Variants in ELFN1 observed in about 807,000 individuals in gnomAD.
ELFN1 encodes extracellular leucine rich repeat and fibronectin type III domain containing 1.
Under a neutral mutation model 7.6 loss-of-function variants are expected in ELFN1, and 6 were observed. That is an observed-to-expected ratio of 0.79 (90% CI 0.43 to 1.56). ELFN1 has a LOEUF of 1.56. Ranked by LOEUF, ELFN1 falls within the 40% of genes most tolerant of loss-of-function variation. The pLI, the probability that ELFN1 is intolerant of heterozygous loss-of-function variation, is 0.01. For synonymous variants in ELFN1, 657 were observed against 588.1 expected (o/e 1.12, Z -1.70); for missense variants, 1,169 against 1,232.2 (o/e 0.95, Z 0.77).
intron 3 of ELFN1, among the ~76,000 whole-genome samples, chr7:1,722,564 C>A (rs967860592): frequency 2.0e-5 from 3 of 152,102 alleles, no homozygotes; most frequent in Admixed American, 1.3e-4. Context: ...AGCCACCGCG[C>A]CTGGGCAGGA....
intron 2 of ELFN1, chr7:1,693,411 T>C (rs1318843180): frequency 4.2e-6 from 2 of 471,100 alleles, no homozygotes; most frequent in Admixed American, 2.3e-5. Flanking sequence ...TGAGTAGGTA[T>C]GTGCACATAT....
chr7:1,712,433 T>C (rs544611649), intron 3 of ELFN1, among the ~76,000 whole-genome samples: 3 of 151,242 alleles, frequency 2.0e-5, no homozygotes, highest in Admixed American at 2.0e-4. Flanking sequence ...TTTCCTTTTT[T>C]TTTTTCTTTT....
chr7:1,689,258 G>A (rs914237596), intron 2 of ELFN1, among the ~76,000 whole-genome samples: 3 of 152,242 alleles, frequency 2.0e-5, no homozygotes, highest in Non-Finnish European at 4.4e-5. Flanking sequence ...GTGTATATAT[G>A]TGTGCATGCT....
chr7:1,747,023 C>A lies in ELFN1; in HGVS notation c.2427C>A (p.Asp809Glu), dbSNP rs758397436. The change falls in exon 4 of 4, where the codon GAC (aspartate) becomes GAA (glutamate). Residue 809 changes from aspartate (D) to glutamate (E), a missense_variant. By Grantham distance (45) the Asp-to-Glu change is conservative. Around this residue, in one of 2 missense-constraint regions of ELFN1, gnomAD observed 914 missense variants for 872.6 expected, o/e 1.05. Transcript: ENST00000424383. ...GCAAGAAGGTTCAGTTCGCCAAAGA[C>A]GAGGATCTGCACGACATCCTGGACT... ...ALRKKVQFAK[D>E]EDLHDILDYW... 2 of 1,559,224 alleles carry A rather than the reference C, an allele frequency of 1.3e-6. No homozygotes were observed. The highest frequency in any genetic ancestry group is 1.9e-5 in the Admixed American group (1 of 52,472).
Position 1,744,831 on chromosome 7 carries a change from T to A in ELFN1, c.235T>A (p.Ser79Thr), listed in dbSNP as rs763479740. Residue 79 changes from serine to threonine, a missense_variant, in exon 4 of 4, where the codon TCG (serine) becomes ACG (threonine). By Grantham distance (58) the Ser-to-Thr change is moderately conservative. This residue lies in a region of ELFN1 where 255 missense variants were observed against 359.6 expected (regional missense o/e 0.71). Transcript: ENST00000424383. The part of the protein sequence containing the change: ...ENRIRSVQYA[S>T]LSRFGNLTYL... ...CCGTATCCGCAGCGTGCAGTACGCC[T>A]CGCTCAGCCGCTTTGGCAACCTCAC... 9 of 1,571,646 alleles carry A rather than the reference T, an allele frequency of 5.7e-6. No homozygotes were observed. The South Asian group carries it at 9.3e-5, about 16-fold the overall frequency.
chr7:1,742,214 C>T (rs1186578957), intron 3 of ELFN1: 1 of 152,278 alleles, frequency 6.6e-6, no homozygotes, highest in Non-Finnish European at 1.5e-5. Flanking sequence ...CTTACCTTGA[C>T]TTTGGGTTAT....
intron 2 of ELFN1, among the ~76,000 whole-genome samples, chr7:1,698,497 A>G (rs1041714843): frequency 6.6e-5 from 10 of 152,104 alleles, no homozygotes; most frequent in East Asian, 3.9e-4. Flanking sequence ...TACAACATAT[A>G]AAACATTGTG....
At chr7:1,742,967 G>A (rs1175102490) in intron 3 of ELFN1, among the ~76,000 whole-genome samples, 1 of 152,316 alleles carries the variant, frequency 6.6e-6, no homozygotes, top group African/African-American at 2.4e-5. Context: ...GGTGACAGAG[G>A]CCGACTGTAA....
Position 1,746,186 on chromosome 7 carries a change from C to T in ELFN1, c.1590C>T (p.Thr530=), listed in dbSNP as rs766395615. The change falls in exon 4 of 4, where the codon ACC becomes ACT. Residue 530 remains threonine (T), a synonymous_variant. Coordinates refer to ENST00000424383, the MANE Select transcript of ELFN1 (RefSeq NM_001128636.4). ...ASKGSYMEVR[T]GDPPERRDCE... ...AGGGCAGCTACATGGAGGTTCGAACCGGGGACCCTCCGGAACGCAGGGACT... is the reference window on the plus strand; with the variant it reads ...AGGGCAGCTACATGGAGGTTCGAACTGGGGACCCTCCGGAACGCAGGGACT... The T allele has an allele frequency of 1.4e-4, 214 of 1,550,514 alleles. 3 individuals carry two copies. In the South Asian group the frequency reaches 2.0e-3, roughly 14 times the overall value.
At chr7:1,690,901 C>T (rs978094317) in intron 2 of ELFN1, among the ~76,000 whole-genome samples, 4 of 151,804 alleles carry the variant, frequency 2.6e-5, no homozygotes, top group Non-Finnish European at 5.9e-5. Context: ...TGAATGGATG[C>T]CTGAATGAGG....
At chr7:1,703,410 A>G (rs1225298112) in intron 2 of ELFN1, among the ~76,000 whole-genome samples, 2 of 151,936 alleles carry the variant, frequency 1.3e-5, no homozygotes, top group African/African-American at 4.8e-5. Context: ...TTTTTCTTTT[A>G]AAATTTATTC....
chr7:1,699,010 G>A (rs1011795553), intron 2 of ELFN1, among the ~76,000 whole-genome samples: 4 of 152,162 alleles, frequency 2.6e-5, no homozygotes, highest in Non-Finnish European at 5.9e-5. Flanking sequence ...TTTTGCCTGT[G>A]TTTTCATGTT....
intron 3 of ELFN1, among the ~76,000 whole-genome samples, chr7:1,743,670 G>T (rs575864178): frequency 6.6e-6 from 1 of 152,294 alleles, no homozygotes; most frequent in South Asian, 2.1e-4. Flanking sequence ...CCCTCCCAGA[G>T]GGCTGGAGAG....
Position 1,744,984 on chromosome 7 carries a change from G to A in ELFN1, c.388G>A (p.Gly130Ser), listed in dbSNP as rs1201617876. ...LRNLTEGMLRGLGKLEYLYLQ... is the reference protein window; with the variant it reads ...LRNLTEGMLRSLGKLEYLYLQ... ...CAACCTCACGGAGGGCATGCTGCGCGGCCTGGGCAAGCTGGAGTACCTGTA... is the reference window on the plus strand; with the variant it reads ...CAACCTCACGGAGGGCATGCTGCGCAGCCTGGGCAAGCTGGAGTACCTGTA... Residue 130 changes from glycine to serine, a missense_variant, in exon 4 of 4, where the codon GGC becomes AGC. Physicochemically the swap from Gly to Ser is moderately conservative, Grantham distance 56. This residue lies in a region of ELFN1 where 255 missense variants were observed against 359.6 expected (regional missense o/e 0.71). Coordinates refer to ENST00000424383, the MANE Select transcript of ELFN1 (RefSeq NM_001128636.4). 1.9e-6 allele frequency: 3 copies of A among 1,551,156 alleles called. No individual in the cohort carries two copies. Among genetic ancestry groups the A allele is most frequent in the East Asian group, 2.4e-5 (1 of 40,912 alleles).
chr7:1,719,321 A>G (rs1273782519), intron 3 of ELFN1, among the ~76,000 whole-genome samples: 14 of 56,464 alleles, frequency 2.5e-4, no homozygotes, highest in African/African-American at 1.2e-3. Context: ...ACAGGACCCA[A>G]GCCACCAACA....
intron 2 of ELFN1, among the ~76,000 whole-genome samples, chr7:1,697,897 G>A (rs868477145): frequency 1.1e-4 from 16 of 152,324 alleles, no homozygotes; most frequent in African/African-American, 3.1e-4. Flanking sequence ...TGATCCTCCC[G>A]CCTCAGCCTC....
intron 1 of ELFN1, among the ~76,000 whole-genome samples, chr7:1,672,266 C>T (rs1287366094): frequency 6.6e-6 from 1 of 152,148 alleles, no homozygotes; most frequent in East Asian, 1.9e-4. Context: ...GTCCCTTCCC[C>T]ACCATGCCCC....
intron 3 of ELFN1, among the ~76,000 whole-genome samples, chr7:1,719,086 G>A (rs1325557290): frequency 4.6e-5 from 7 of 151,788 alleles, no homozygotes; most frequent in Admixed American, 3.9e-4. Context: ...CCACCCCCAG[G>A]GGTTACCAAC....
intron 3 of ELFN1, among the ~76,000 whole-genome samples, chr7:1,719,936 G>A (rs1179063241): frequency 2.1e-5 from 2 of 93,946 alleles, no homozygotes; most frequent in African/African-American, 4.2e-5. Context: ...ACCTCTGCAA[G>A]CTCCAGCCCC....
Sources: gnomAD v4.1 joint callset for allele counts (sites outside exome capture counted in the v4.1 genomes callset) on GRCh38, gnomAD v4.1.1 for gene constraint, gnomAD v4.1.1 regional missense constraint, MANE v1.5 for transcripts, NCBI Gene and HGNC (gene_info 2026-07-23, HGNC 2026-07-21) for gene names.